The following SLC13A1 variants were observed in gnomAD, a reference collection of about 807,000 sequenced individuals.
SLC13A1 encodes solute carrier family 13 member 1.
SLC13A1 carries 65 observed loss-of-function variants against 70.0 expected under a neutral mutation model. The observed-to-expected ratio is 0.93, with a 90% CI of 0.76 to 1.14. SLC13A1 has a LOEUF of 1.14. Ranked by LOEUF, SLC13A1 falls within the 50% of genes most tolerant of loss-of-function variation. The pLI is 0.00. For synonymous variants in SLC13A1, 275 were observed against 250.5 expected, an observed-to-expected ratio of 1.10 and a Z score of -0.92; for missense variants, 726 against 717.8, an observed-to-expected ratio of 1.01 and a Z score of -0.13.
intron 2 of SLC13A1, among the ~76,000 whole-genome samples, chr7:123,177,921 C>G (rs868240703): frequency 1.3e-5 from 2 of 152,072 alleles, no homozygotes; most frequent in Middle Eastern, 3.4e-3. Flanking sequence ...TGTTTTTATT[C>G]ATTGATATGT....
chr7:123,131,726 A>G (rs1212134803), intron 8 of SLC13A1, among the ~76,000 whole-genome samples: 1 of 152,190 alleles, frequency 6.6e-6, no homozygotes, highest in African/African-American at 2.4e-5. Context: ...AGGACACTGA[A>G]AAATTAGCTG....
chr7:123,143,404 C>G (rs1315602470), intron 7 of SLC13A1, among the ~76,000 whole-genome samples: 2 of 152,200 alleles, frequency 1.3e-5, no homozygotes, highest in Admixed American at 6.5e-5. Flanking sequence ...AAGTCAAGTT[C>G]CAACTGCTGG....
chr7:123,119,451 T>G (rs1237423206), intron 12 of SLC13A1, among the ~76,000 whole-genome samples: 2 of 152,032 alleles, frequency 1.3e-5, no homozygotes, highest in Admixed American at 1.3e-4. Flanking sequence ...GGGAACATGG[T>G]TTAGAAAGTT....
At chr7:123,136,852 C>G (rs954872597) in intron 7 of SLC13A1, among the ~76,000 whole-genome samples, 3 of 152,026 alleles carry the variant, frequency 2.0e-5, no homozygotes, top group African/African-American at 7.2e-5. Context: ...CAAGAAGGAG[C>G]CAGTCATGTG....
intron 10 of SLC13A1, among the ~76,000 whole-genome samples, chr7:123,128,146 A>G (rs1793627809): frequency 6.6e-6 from 1 of 152,068 alleles, no homozygotes; most frequent in South Asian, 2.1e-4. Context: ...ATTTCTTCAG[A>G]AATTCCTTAT....
chr7:123,165,318 C>T (rs981818517), intron 6 of SLC13A1, among the ~76,000 whole-genome samples: 4 of 152,002 alleles, frequency 2.6e-5, no homozygotes, highest in African/African-American at 9.7e-5. Context: ...CTGGAAAGAC[C>T]ATAGAATCAA....
rs28364195 is a variant in SLC13A1 at position 123,169,248 on chromosome 7, C to T, written c.453G>A (p.Ala151=). 2.3e-4 allele frequency: 379 copies of T among 1,614,018 alleles called. 2 individuals are homozygous for T. Among genetic ancestry groups the T allele is most frequent in the South Asian group, 1.3e-3 (114 of 91,084 alleles). Residue 151 remains alanine (A), a synonymous_variant, in exon 4 of 15, where the codon GCG becomes GCA. Transcript: ENST00000194130. ...TSTAAMVMPI[A]EAVVQQIINA... ...TGATGATCTGCTGCACTACAGCCTC[C>T]GCAATGGGCATCACCATGGCAGCCG...
intron 7 of SLC13A1, 110 bp from the exon 8 acceptor site, chr7:123,134,639 G>A (rs1793890308): frequency 7.0e-6 from 7 of 999,382 alleles, no homozygotes; most frequent in Admixed American, 2.4e-5. Context: ...TGTCCAAGAA[G>A]GAAGTCCTGG....
At chr7:123,179,376 C>T (rs1435482904) in intron 2 of SLC13A1, among the ~76,000 whole-genome samples, 1 of 152,136 alleles carries the variant, frequency 6.6e-6, no homozygotes, top group Non-Finnish European at 1.5e-5. Flanking sequence ...TGAATGATTT[C>T]ATCCGTTAGA....
At position 123,115,535 on chromosome 7, in the gene SLC13A1, T is replaced by C; in HGVS notation, c.1771A>G (p.Asn591Asp). The C allele has an allele frequency of 1.2e-6, 2 of 1,612,900 alleles. No homozygotes were observed. Among genetic ancestry groups the C allele is most frequent in the Non-Finnish European group, 1.7e-6 (2 of 1,179,092 alleles). Reference sequence around the variant, plus strand: ...TGTGCTTATTATGGCATGGTCTCATTACTCATAGCAGGAGCCCACGAAGGG... The same window carrying C: ...TGTGCTTATTATGGCATGGTCTCATCACTCATAGCAGGAGCCCACGAAGGG... ...TYPSWAPAMS[N>D]ETMP The change falls in exon 15 of 15, where the codon AAT becomes GAT. Residue 591 changes from asparagine to aspartate, a missense_variant. Asn to Asp is a conservative substitution (Grantham distance 23, BLOSUM62 1). Coordinates refer to ENST00000194130, the MANE Select transcript of SLC13A1 (RefSeq NM_022444.4).
chr7:123,149,720 T>A, intron 6 of SLC13A1: 1 of 429,016 alleles, frequency 2.3e-6, no homozygotes, highest in South Asian at 1.6e-5. Context: ...TATCAAGAAA[T>A]TGGCACAGTT....
chr7:123,173,309 C>T (rs1321635601), intron 2 of SLC13A1, among the ~76,000 whole-genome samples: 1 of 152,068 alleles, frequency 6.6e-6, no homozygotes, highest in East Asian at 1.9e-4. Flanking sequence ...TAAAAGTAGG[C>T]AAGTGGACAA....
chr7:123,126,270 C>G (rs923015558), intron 10 of SLC13A1, among the ~76,000 whole-genome samples: 1 of 152,118 alleles, frequency 6.6e-6, no homozygotes, highest in African/African-American at 2.4e-5. Context: ...CCATGAAATT[C>G]AATCAAGAAT....
chr7:123,149,693 C>A, intron 6 of SLC13A1: 1 of 445,652 alleles, frequency 2.2e-6, no homozygotes, highest in Non-Finnish European at 4.5e-6. Flanking sequence ...GAAAGAGTAT[C>A]ATTTTACCAT....
At chr7:123,184,995 A>G (rs185895470) in intron 1 of SLC13A1, among the ~76,000 whole-genome samples, 21 of 152,198 alleles carry the variant, frequency 1.4e-4, no homozygotes, top group Admixed American at 1.4e-3. Context: ...CAAAGGTGAG[A>G]TAATATCTCA....
chr7:123,123,287 A>G (rs1454127326), intron 11 of SLC13A1, 52 bp from the exon 12 acceptor site: 2 of 1,161,130 alleles, frequency 1.7e-6, no homozygotes, highest in Non-Finnish European at 2.6e-6. Context: ...TTACAATATG[A>G]CATTTGCTTC....
At chr7:123,143,426 CT>C (rs1475360155) in intron 7 of SLC13A1, among the ~76,000 whole-genome samples, 1 of 152,156 alleles carries the variant, frequency 6.6e-6, no homozygotes, top group African/African-American at 2.4e-5. Flanking sequence ...ATGGGCACTT[CT>C]TCTCTGGCTA....
At chr7:123,196,318 A>G (rs1796177956) in intron 1 of SLC13A1, among the ~76,000 whole-genome samples, 2 of 152,272 alleles carry the variant, frequency 1.3e-5, no homozygotes, top group East Asian at 3.9e-4. Flanking sequence ...TCTGATGCTC[A>G]GTGTAAATCA....
chr7:123,154,591 A>G (rs1469947388), intron 6 of SLC13A1, among the ~76,000 whole-genome samples: 1 of 152,130 alleles, frequency 6.6e-6, no homozygotes, highest in Non-Finnish European at 1.5e-5. Context: ...GAGCTCTATT[A>G]ACAGCTAGAA....
Sources: gnomAD v4.1 joint callset for allele counts (sites outside exome capture counted in the v4.1 genomes callset) on GRCh38, gnomAD v4.1.1 for gene constraint, MANE v1.5 for transcripts, NCBI Gene and HGNC (gene_info 2026-07-23, HGNC 2026-07-21) for gene names.